The following JAZF1 variants were observed in gnomAD, a reference collection of about 807,000 sequenced individuals.
JAZF1 encodes JAZF zinc finger 1.
A neutral mutation model predicts 26.4 loss-of-function variants in JAZF1; 8 were observed. That is an observed-to-expected ratio of 0.30 (90% CI 0.18 to 0.55). JAZF1 has a LOEUF of 0.55. Ranked by LOEUF, JAZF1 falls within the 20% of genes least tolerant of loss-of-function variation. The probability of loss-of-function intolerance (pLI) is 0.94; values close to 1 mark genes in which losing one functional copy is unlikely to be tolerated. For synonymous variants in JAZF1, 126 were observed against 122.3 expected (o/e 1.03, Z -0.20); for missense variants, 199 against 322.0 (o/e 0.62, Z 2.92).
intron 2 of JAZF1, among the ~76,000 whole-genome samples, chr7:27,955,410 A>G (rs999448870): frequency 3.9e-5 from 6 of 152,130 alleles, no homozygotes; most frequent in Non-Finnish European, 8.8e-5. Context: ...TTTCCCTTAA[A>G]CACTTACCGT....
At chr7:27,999,247 C>T (rs1370480352) in intron 1 of JAZF1, among the ~76,000 whole-genome samples, 3 of 152,130 alleles carry the variant, frequency 2.0e-5, no homozygotes, top group Non-Finnish European at 4.4e-5. Context: ...AATCCTGGGA[C>T]CAAGTTAATT....
rs180701151 is a variant in JAZF1 at position 27,857,713 on chromosome 7, C to G, written c.386-16846G>C. On this transcript the variant is annotated intron_variant, in intron 3 of 4. Coordinates refer to ENST00000283928, the MANE Select transcript of JAZF1 (RefSeq NM_175061.4). ...AACATCCATTCATGCTAAAAACTCT[C>G]AATAAACTAGGTATTGACGGATCAT... Among the ~76,000 whole-genome samples, 593 of 152,332 alleles carry G rather than the reference C, an allele frequency of 3.9e-3. 6 individuals carry two copies. Among genetic ancestry groups the G allele is most frequent in the Non-Finnish European group, 4.6e-3 (313 of 68,034 alleles).
At chr7:28,053,491 G>A (rs1173739314) in intron 1 of JAZF1, among the ~76,000 whole-genome samples, 1 of 152,016 alleles carries the variant, frequency 6.6e-6, no homozygotes, top group African/African-American at 2.4e-5. Flanking sequence ...CTGCATCCTT[G>A]CCAATTCTAT....
chr7:28,170,477 G>A (rs767010038), intron 1 of JAZF1, among the ~76,000 whole-genome samples: 1 of 151,972 alleles, frequency 6.6e-6, no homozygotes, highest in African/African-American at 2.4e-5. Flanking sequence ...ATCAGCGAGA[G>A]AGAGAAAACC....
At chr7:28,068,228 T>A in intron 1 of JAZF1, among the ~76,000 whole-genome samples, 1 of 151,688 alleles carries the variant, frequency 6.6e-6, no homozygotes, top group African/African-American at 2.4e-5. Flanking sequence ...TTTTTTTTTT[T>A]TTTTTTTTCA....
intron 1 of JAZF1, among the ~76,000 whole-genome samples, chr7:28,036,756 T>C (rs1209272167): frequency 1.3e-5 from 2 of 152,196 alleles, no homozygotes; most frequent in Non-Finnish European, 2.9e-5. Context: ...TAACCCTGCC[T>C]GGGCACTCAG....
At chr7:28,096,929 A>G (rs1784396615) in intron 1 of JAZF1, among the ~76,000 whole-genome samples, 1 of 152,242 alleles carries the variant, frequency 6.6e-6, no homozygotes, top group African/African-American at 2.4e-5. Flanking sequence ...TACTAAGAAC[A>G]GGTTGTGGAA....
At chr7:28,111,299 A>T (rs1399151690) in intron 1 of JAZF1, among the ~76,000 whole-genome samples, 1 of 152,236 alleles carries the variant, frequency 6.6e-6, no homozygotes, top group Non-Finnish European at 1.5e-5. Context: ...AACAAACAGA[A>T]AATATTCATT....
chr7:27,835,276 G>GT (rs1356336211), intron 4 of JAZF1, among the ~76,000 whole-genome samples: 1 of 152,106 alleles, frequency 6.6e-6, no homozygotes. Context: ...GAGGGCTGAG[G>GT]TTTTTATAAC....
intron 3 of JAZF1, among the ~76,000 whole-genome samples, chr7:27,849,754 C>CACAGACACACACACACACACACACACAG (rs1217195402): frequency 1.2e-5 from 1 of 86,874 alleles, no homozygotes; most frequent in African/African-American, 3.9e-5. Flanking sequence ...TACACACAGA[C>CACAGACACACACACACACACACACACAG]ACACACACAC....
intron 3 of JAZF1, among the ~76,000 whole-genome samples, chr7:27,886,262 G>A (rs1783860904): frequency 6.6e-6 from 1 of 152,208 alleles, no homozygotes; most frequent in Non-Finnish European, 1.5e-5. Context: ...TGTCTCTCAA[G>A]CAGCAGAACC....
At chr7:28,166,632 T>C (rs1393086687) in intron 1 of JAZF1, among the ~76,000 whole-genome samples, 1 of 152,252 alleles carries the variant, frequency 6.6e-6, no homozygotes, top group Non-Finnish European at 1.5e-5. Context: ...CTCTAGACTC[T>C]TGAAATGCCT....
At chr7:27,900,341 G>A (rs780475220) in intron 2 of JAZF1, among the ~76,000 whole-genome samples, 6 of 152,224 alleles carry the variant, frequency 3.9e-5, no homozygotes, top group Admixed American at 1.3e-4. Context: ...TTTAACTCAA[G>A]GCTCATCACT....
At chr7:27,927,643 A>C (rs1784622087) in intron 2 of JAZF1, among the ~76,000 whole-genome samples, 1 of 152,182 alleles carries the variant, frequency 6.6e-6, no homozygotes, top group Non-Finnish European at 1.5e-5. Context: ...GCCTCATAGA[A>C]TCATCAAGCT....
intron 2 of JAZF1, among the ~76,000 whole-genome samples, chr7:27,903,825 T>C (rs1006078626): frequency 1.3e-5 from 2 of 152,262 alleles, no homozygotes; most frequent in African/African-American, 2.4e-5. Context: ...CTTCGTCTGC[T>C]AGCAGACCCT....
chr7:28,042,197 CAGAA>C (rs1206856975), intron 1 of JAZF1, among the ~76,000 whole-genome samples: 1 of 152,190 alleles, frequency 6.6e-6, no homozygotes, highest in Admixed American at 6.5e-5. Context: ...CCAACTGTGA[CAGAA>C]AGAGGCAAGG....
chr7:28,068,956 T>G (rs79120024), intron 1 of JAZF1, among the ~76,000 whole-genome samples: 2,755 of 152,312 alleles, frequency 0.018, 74 homozygotes, highest in African/African-American at 0.062. Context: ...CATACATGAC[T>G]GAATGTTGTA....
intron 1 of JAZF1, among the ~76,000 whole-genome samples, chr7:28,047,650 T>C (rs1399162052): frequency 6.6e-6 from 1 of 152,186 alleles, no homozygotes; most frequent in Non-Finnish European, 1.5e-5. Context: ...ATATTCATTT[T>C]CTTCAACTTT....
intron 2 of JAZF1, among the ~76,000 whole-genome samples, chr7:27,954,914 T>C (rs1268891622): frequency 6.6e-6 from 1 of 152,142 alleles, no homozygotes; most frequent in African/African-American, 2.4e-5. Context: ...TGCACCACCA[T>C]GCTCAGCTAA....
Sources: gnomAD v4.1 joint callset for allele counts (sites outside exome capture counted in the v4.1 genomes callset) on GRCh38, gnomAD v4.1.1 for gene constraint, MANE v1.5 for transcripts, NCBI Gene and HGNC (gene_info 2026-07-23, HGNC 2026-07-21) for gene names.